The following ARB2A variants were observed in gnomAD, a reference collection of about 807,000 sequenced individuals.
ARB2A encodes cotranscriptional regulator ARB2A.
the ARB2A span, among the ~76,000 whole-genome samples, chr5:93,848,443 T>C: frequency 2.0e-5 from 3 of 151,880 alleles, no homozygotes; most frequent in African/African-American, 7.2e-5. Context: ...AAATGAATTC[T>C]AGAAATTCTA....
At chr5:93,901,118 A>G in the ARB2A span, among the ~76,000 whole-genome samples, 1 of 152,218 alleles carries the variant, frequency 6.6e-6, no homozygotes, top group Non-Finnish European at 1.5e-5. Context: ...TAAAGGCATA[A>G]TAACTGCTAG....
the ARB2A span, among the ~76,000 whole-genome samples, chr5:93,745,122 T>A: frequency 6.6e-6 from 1 of 152,206 alleles, no homozygotes; most frequent in Non-Finnish European, 1.5e-5. Context: ...TTCCCTATTC[T>A]AAGGAGACAT....
chr5:93,794,223 C>G, the ARB2A span, among the ~76,000 whole-genome samples: 1 of 152,158 alleles, frequency 6.6e-6, no homozygotes, highest in African/African-American at 2.4e-5. Context: ...CTGAGACTTT[C>G]CAGTGCATTT....
At chr5:93,743,507 C>T in the ARB2A span, 1 of 979,912 alleles carries the variant, frequency 1.0e-6, no homozygotes, top group Non-Finnish European at 1.2e-6. Flanking sequence ...AATAACTTTG[C>T]TGGTATCTAT....
the ARB2A span, among the ~76,000 whole-genome samples, chr5:93,940,059 C>T: frequency 6.6e-6 from 1 of 151,904 alleles, no homozygotes; most frequent in Non-Finnish European, 1.5e-5. Flanking sequence ...CATACTCATT[C>T]CTGAATATCC....
the ARB2A span, among the ~76,000 whole-genome samples, chr5:94,073,306 C>T: frequency 6.6e-6 from 1 of 152,076 alleles, no homozygotes; most frequent in Non-Finnish European, 1.5e-5. Context: ...TTGTACCCAG[C>T]ATTATTATTC....
At chr5:93,963,951 A>C in the ARB2A span, among the ~76,000 whole-genome samples, 1 of 151,956 alleles carries the variant, frequency 6.6e-6, no homozygotes, top group Non-Finnish European at 1.5e-5. Flanking sequence ...TGCAAGATTC[A>C]AAAAAAGGTT....
the ARB2A span, among the ~76,000 whole-genome samples, chr5:93,877,122 A>G: frequency 6.6e-6 from 1 of 152,102 alleles, no homozygotes; most frequent in Non-Finnish European, 1.5e-5. Context: ...CTTCCCCTCT[A>G]TCCTTAGCAT....
At chr5:94,031,457 G>A in the ARB2A span, among the ~76,000 whole-genome samples, 4 of 152,198 alleles carry the variant, frequency 2.6e-5, no homozygotes, top group East Asian at 7.7e-4. Context: ...TAGGGCACTG[G>A]AATAGCATAT....
the ARB2A span, among the ~76,000 whole-genome samples, chr5:93,635,904 T>A: frequency 6.6e-6 from 1 of 152,236 alleles, no homozygotes; most frequent in Admixed American, 6.5e-5. Context: ...TTATAAATGT[T>A]TGTTGTATAA....
At chr5:93,859,184 G>A in the ARB2A span, among the ~76,000 whole-genome samples, 1 of 151,956 alleles carries the variant, frequency 6.6e-6, no homozygotes, top group Non-Finnish European at 1.5e-5. Context: ...TAGGAAAACT[G>A]ATTAACCATT....
the ARB2A span, among the ~76,000 whole-genome samples, chr5:93,915,246 T>G: frequency 1.3e-5 from 2 of 151,912 alleles, no homozygotes; most frequent in Non-Finnish European, 2.9e-5. Flanking sequence ...ATTGGGCTCT[T>G]CATTGGCTTG....
the ARB2A span, among the ~76,000 whole-genome samples, chr5:93,979,648 T>C: frequency 2.6e-5 from 4 of 152,148 alleles, no homozygotes; most frequent in Non-Finnish European, 5.9e-5. Context: ...GAATGTCTTA[T>C]ATATCACATT....
chr5:93,962,642 G>A, the ARB2A span, among the ~76,000 whole-genome samples: 48 of 152,138 alleles, frequency 3.2e-4, no homozygotes, highest in Non-Finnish European at 6.5e-4. Flanking sequence ...AAGAGAGCTC[G>A]GGAGAAAGCT....
chr5:93,762,347 A>G, the ARB2A span, among the ~76,000 whole-genome samples: 5 of 152,228 alleles, frequency 3.3e-5, no homozygotes, highest in African/African-American at 2.4e-5. Context: ...AATGCAGAGA[A>G]GTCCTTAAAG....
the ARB2A span, among the ~76,000 whole-genome samples, chr5:94,049,860 G>A: frequency 9.2e-5 from 14 of 152,124 alleles, no homozygotes; most frequent in Middle Eastern, 6.8e-3. Context: ...TTAGAATTTC[G>A]CATAAATTTG....
At chr5:93,818,879 T>C in the ARB2A span, among the ~76,000 whole-genome samples, 3 of 152,050 alleles carry the variant, frequency 2.0e-5, no homozygotes, top group Non-Finnish European at 2.9e-5. Context: ...ACAAATTTAG[T>C]TAGTAAAAGA....
the ARB2A span, among the ~76,000 whole-genome samples, chr5:93,748,030 A>C: frequency 6.6e-6 from 1 of 152,186 alleles, no homozygotes; most frequent in South Asian, 2.1e-4. Context: ...GTTAATGTCC[A>C]GTTAGAATTT....
chr5:93,631,783 A>AG, the ARB2A span, among the ~76,000 whole-genome samples: 2 of 40,052 alleles, frequency 5.0e-5, no homozygotes, highest in African/African-American at 9.3e-5. Flanking sequence ...CAAGACAGAG[A>AG]GGGGGGAGGG....
Sources: gnomAD v4.1 joint callset for allele counts (sites outside exome capture counted in the v4.1 genomes callset) on GRCh38, gnomAD v4.1.1 for gene constraint, MANE v1.5 for transcripts, NCBI Gene and HGNC (gene_info 2026-07-23, HGNC 2026-07-21) for gene names.